CDC42BPB: variants seen among roughly 807,000 people sequenced by gnomAD.
CDC42BPB encodes serine/threonine-protein kinase MRCK beta.
In CDC42BPB, 37 loss-of-function variants were observed where a neutral mutation model predicts 214.9. That is an observed-to-expected ratio of 0.17 (90% CI 0.13 to 0.23). CDC42BPB has a LOEUF of 0.23. Ranked by LOEUF, CDC42BPB falls within the 10% of genes least tolerant of loss-of-function variation. The pLI, the probability that CDC42BPB is intolerant of heterozygous loss-of-function variation, is 1.00. For missense variants in CDC42BPB, 1,694 were observed against 2,227.0 expected, an observed-to-expected ratio of 0.76 and a Z score of 4.82; for synonymous variants, 931 against 884.0, an observed-to-expected ratio of 1.05 and a Z score of -0.94.
At chr14:102,975,270 T>C (rs1240498527) in intron 11 of CDC42BPB, among the ~76,000 whole-genome samples, 1 of 152,228 alleles carries the variant, frequency 6.6e-6, no homozygotes, top group Non-Finnish European at 1.5e-5. Flanking sequence ...ATGCTTGTAA[T>C]TCCAGCACTT....
Position 103,001,299 on chromosome 14 carries a change from C to A in CDC42BPB, c.448-1586G>T, listed in dbSNP as rs556187652. Among the ~76,000 whole-genome samples the A allele has an allele frequency of 2.0e-5, 3 of 152,194 alleles. No homozygotes were observed. The highest frequency in any genetic ancestry group is 7.2e-5 in the African/African-American group (3 of 41,442). ...CTGGCAACAGGGGTGCTGGCATGCACGAGACAGCGAGGTCCCTGGCTCAGC... is the reference window on the plus strand; with the variant it reads ...CTGGCAACAGGGGTGCTGGCATGCAAGAGACAGCGAGGTCCCTGGCTCAGC... On this transcript the variant is annotated intron_variant, in intron 4 of 36. Coordinates refer to ENST00000361246, the MANE Select transcript of CDC42BPB (RefSeq NM_006035.4). The surrounding 1 kb of genome is among the most constrained non-coding windows in gnomAD (Gnocchi z 5.8).
intron 1 of CDC42BPB, among the ~76,000 whole-genome samples, chr14:103,020,563 G>C (rs1451287194): frequency 6.6e-6 from 1 of 152,234 alleles, no homozygotes; most frequent in East Asian, 1.9e-4. Context: ...CAGGCACACT[G>C]ACGCGCTATG....
At chr14:103,047,903 C>CAAAAAAAAAAAAAA (rs376515642) in intron 1 of CDC42BPB, among the ~76,000 whole-genome samples, 3 of 127,772 alleles carry the variant, frequency 2.3e-5, no homozygotes, top group African/African-American at 6.3e-5. Flanking sequence ...ACTCTGTGTC[C>CAAAAAAAAAAAAAA]AAAAAAAAAA....
intron 1 of CDC42BPB, among the ~76,000 whole-genome samples, chr14:103,032,898 T>C (rs1887470065): frequency 1.4e-5 from 2 of 145,394 alleles, no homozygotes; most frequent in South Asian, 4.3e-4. Flanking sequence ...ATTACAGGCA[T>C]AATCCACCGT....
intron 1 of CDC42BPB, among the ~76,000 whole-genome samples, chr14:103,051,054 T>C (rs1888575176): frequency 7.0e-6 from 1 of 142,604 alleles, no homozygotes; most frequent in Non-Finnish European, 1.5e-5. Flanking sequence ...TACCTACCAA[T>C]CAATAAAACT....
In CDC42BPB at chr14:102,946,700, CAG is replaced by C; in HGVS notation, c.3532-18_3532-17del. The C allele has an allele frequency of 6.2e-7, 1 of 1,612,096 alleles. No individual in the cohort carries two copies. On this transcript the variant is annotated splice_polypyrimidine_tract_variant and intron_variant, in intron 27 of 36. Coordinates refer to ENST00000361246, the MANE Select transcript of CDC42BPB (RefSeq NM_006035.4). The stretch of plus-strand genomic sequence containing the variant: ...AGGCCGTCACCTTCATGACAGGAAA[CAG>C]AAGAGAAGAGAGAAGTCATCAAACG...
In CDC42BPB at chr14:102,978,021, G is replaced by A. The variant is rs892351868; in HGVS notation, c.1220+105C>T. The A allele has an allele frequency of 2.9e-5, 24 of 817,228 alleles. No homozygotes were observed. The Middle Eastern group carries it at 6.8e-4, about 23-fold the overall frequency. The allele number at this position is 817,228 out of a possible 1,614,324, so 50.6% of individuals were successfully genotyped here. A position where few individuals can be genotyped will look rare whatever the true frequency, so the allele number is the denominator to read the frequency against. ...CTCCCTTAAGTAATGGCCTCCCAGC[G>A]CACACACCACCCACTAGCCCGCCCC... On this transcript the variant is annotated intron_variant, in intron 9 of 36. Coordinates refer to ENST00000361246, the MANE Select transcript of CDC42BPB (RefSeq NM_006035.4).
At chr14:103,014,520 T>C (rs1359938804) in intron 1 of CDC42BPB, among the ~76,000 whole-genome samples, 1 of 152,226 alleles carries the variant, frequency 6.6e-6, no homozygotes, top group Non-Finnish European at 1.5e-5. Flanking sequence ...CAGGAGTGGC[T>C]ACAATTAGCT....
At chr14:103,047,220 G>A (rs1450324539) in intron 1 of CDC42BPB, among the ~76,000 whole-genome samples, 4 of 147,432 alleles carry the variant, frequency 2.7e-5, no homozygotes, top group African/African-American at 5.1e-5. Context: ...GGAGGCGGAG[G>A]TTCCTGTGAG....
intron 7 of CDC42BPB, chr14:102,981,328 G>T (rs1211760695): frequency 9.5e-6 from 3 of 315,180 alleles, no homozygotes; most frequent in Non-Finnish European, 1.4e-5. Flanking sequence ...GCGCAGCCCC[G>T]TCAGAATGCA....
chr14:102,995,379 T>C (rs555273113), intron 5 of CDC42BPB, among the ~76,000 whole-genome samples: 24 of 152,370 alleles, frequency 1.6e-4, no homozygotes, highest in Non-Finnish European at 2.9e-5. Context: ...TTTACCATGT[T>C]GGCCAGGCAG....
At chr14:103,045,665 C>T (rs1303998978) in intron 1 of CDC42BPB, among the ~76,000 whole-genome samples, 1 of 152,166 alleles carries the variant, frequency 6.6e-6, no homozygotes, top group Non-Finnish European at 1.5e-5. Context: ...TCCTTCTATT[C>T]ATGGGGGACT....
chr14:103,057,383 T>G lies in CDC42BPB; in HGVS notation c.-210A>C, dbSNP rs1167118017. ...AGTCTGGGGCGCCGGGCCCCGCGGG[T>G]CCATGGGCCGCTCTCCTCCCCTCGG... On this transcript the variant is annotated 5_prime_UTR_variant, in exon 1 of 37. Coordinates refer to ENST00000361246, the MANE Select transcript of CDC42BPB (RefSeq NM_006035.4). 9.6e-6 allele frequency: 9 copies of G among 933,104 alleles called. 1 individual carries two copies. The highest frequency in any genetic ancestry group is 1.2e-5 in the Non-Finnish European group (9 of 781,190). 57.8% of individuals were successfully genotyped at this position (933,104 alleles called of 1,614,324 possible). A position where few individuals can be genotyped will look rare whatever the true frequency, so the allele number is the denominator to read the frequency against.
intron 30 of CDC42BPB, chr14:102,940,667 C>T: frequency 5.5e-6 from 2 of 361,426 alleles, no homozygotes; most frequent in Non-Finnish European, 1.0e-5. Flanking sequence ...AGGCTCAACA[C>T]TTTGGAAATT....
Position 102,967,165 on chromosome 14 carries a change from A to G in CDC42BPB, c.2352T>C (p.Cys784=), listed in dbSNP as rs778776189. 1 of 1,613,368 alleles carries G rather than the reference A, an allele frequency of 6.2e-7. No individual in the cohort carries two copies. Among genetic ancestry groups the G allele is most frequent in the South Asian group, 1.1e-5 (1 of 91,040 alleles). Residue 784 remains cysteine, a synonymous_variant, in exon 17 of 37, where the codon TGT becomes TGC. Transcript: ENST00000361246. ...KKLTAENEKL[C]SFVDKLTAQN... ...GAGCTGTGAGTTTATCCACAAAGGAACAGAGCTGAAATGAAACAATTTCAC... is the reference window on the plus strand; with the variant it reads ...GAGCTGTGAGTTTATCCACAAAGGAGCAGAGCTGAAATGAAACAATTTCAC...
intron 1 of CDC42BPB, among the ~76,000 whole-genome samples, chr14:103,040,954 C>T (rs1887954827): frequency 6.6e-6 from 1 of 152,114 alleles, no homozygotes; most frequent in South Asian, 2.1e-4. Context: ...ACTCAAAGAA[C>T]TTAGAAAGAA....
At position 102,940,459 on chromosome 14, in the gene CDC42BPB, A is replaced by AAGACT. The variant is rs35552986; in HGVS notation, c.4409-140_4409-136dup. 66 of 1,478,570 alleles carry AAGACT rather than the reference A, an allele frequency of 4.5e-5. No individual in the cohort carries two copies. In the Admixed American group the frequency reaches 1.3e-3, roughly 30 times the overall value. 91.6% of individuals were successfully genotyped at this position (1,478,570 alleles called of 1,614,324 possible). On this transcript the variant is annotated intron_variant, in intron 30 of 36. Coordinates refer to ENST00000361246, the MANE Select transcript of CDC42BPB (RefSeq NM_006035.4). ...TGCCCTCAGCTGGTTCACGTCACCA[A>AAGACT]AGACTTCATGTTCCCACTCTGGAAT...
intron 34 of CDC42BPB, among the ~76,000 whole-genome samples, 188 bp downstream of exon 34, chr14:102,939,422 T>G (rs1891789587): frequency 6.6e-6 from 1 of 152,232 alleles, no homozygotes; most frequent in South Asian, 2.1e-4. Flanking sequence ...GCACAAGGCC[T>G]TGTGACAGGG....
At chr14:103,045,208 G>A (rs559948800) in intron 1 of CDC42BPB, among the ~76,000 whole-genome samples, 70 of 152,234 alleles carry the variant, frequency 4.6e-4, no homozygotes, top group Non-Finnish European at 6.3e-4. Context: ...TGTGGCAAGG[G>A]AGTTCTAGTC....
Sources: gnomAD v4.1 joint callset for allele counts (sites outside exome capture counted in the v4.1 genomes callset) on GRCh38, gnomAD v4.1.1 for gene constraint, Gnocchi (gnomAD v3.1) non-coding constraint, MANE v1.5 for transcripts, NCBI Gene and HGNC (gene_info 2026-07-23, HGNC 2026-07-21) for gene names.